Variants in CTNNA2 observed in about 807,000 individuals in gnomAD.
The protein encoded by CTNNA2 is catenin alpha-2.
A neutral mutation model predicts 101.0 loss-of-function variants in CTNNA2; 42 were observed. The ratio of observed to expected loss-of-function variants is 0.42; its 90% CI spans 0.32 to 0.54. CTNNA2 has a LOEUF of 0.54. Among genes scored for constraint, CTNNA2 ranks in the 20% least tolerant of loss-of-function variants. The probability of loss-of-function intolerance (pLI) is 0.14; values close to 1 mark genes in which losing one functional copy is unlikely to be tolerated. For synonymous variants in CTNNA2, 450 were observed against 456.4 expected, an observed-to-expected ratio of 0.99 and a Z score of 0.18; for missense variants, 871 against 1,223.1, an observed-to-expected ratio of 0.71 and a Z score of 4.29.
intron 2 of CTNNA2, among the ~76,000 whole-genome samples, chr2:79,302,037 G>A (rs1452712597): frequency 6.6e-6 from 1 of 152,044 alleles, no homozygotes; most frequent in Non-Finnish European, 1.5e-5. Flanking sequence ...AGGTTGCAGT[G>A]AGCCGAGGCT....
chr2:80,462,960 T>C (rs1684564682), intron 9 of CTNNA2, among the ~76,000 whole-genome samples: 1 of 152,136 alleles, frequency 6.6e-6, no homozygotes, highest in African/African-American at 2.4e-5. Context: ...CATTAGTCTA[T>C]TTTTCCTCCC....
At chr2:79,977,222 G>GCGCACACACACACA (rs142876512) in intron 7 of CTNNA2, among the ~76,000 whole-genome samples, 5 of 144,740 alleles carry the variant, frequency 3.5e-5, no homozygotes, top group Non-Finnish European at 7.5e-5. Context: ...GCATATGCAT[G>GCGCACACACACACA]CACACACACA....
Position 80,478,505 on chromosome 2 carries a change from G to T in CTNNA2, c.1290+58904G>T, listed in dbSNP as rs1373259227. 3.3e-5 allele frequency among the ~76,000 whole-genome samples: 5 copies of T among 152,182 alleles called. No individual in the cohort carries two copies. The East Asian group carries it at 7.7e-4, about 24-fold the overall frequency. On this transcript the variant is annotated intron_variant, in intron 9 of 18. Coordinates refer to ENST00000402739, the MANE Select transcript of CTNNA2 (RefSeq NM_001282597.3). The stretch of plus-strand genomic sequence containing the variant: ...AGAGTTTTTCATAGGTTTTCTCCTA[G>T]AATTTTTACAGTTTCAGGTCTTAAA...
chr2:80,272,338 GT>G (rs1344213285), intron 7 of CTNNA2, among the ~76,000 whole-genome samples: 1 of 152,178 alleles, frequency 6.6e-6, no homozygotes, highest in Non-Finnish European at 1.5e-5. Flanking sequence ...CGTTCCATCT[GT>G]TAGCCAAACC....
chr2:80,560,069 A>AAGG (rs3040597), intron 12 of CTNNA2, among the ~76,000 whole-genome samples: 1 of 141,130 alleles, frequency 7.1e-6, no homozygotes, highest in African/African-American at 2.6e-5. Context: ...AAAAAAAAAA[A>AAGG]AAAGAAAAAA....
intron 9 of CTNNA2, among the ~76,000 whole-genome samples, chr2:80,512,671 T>A (rs965820888): frequency 3.6e-5 from 2 of 55,478 alleles, no homozygotes; most frequent in South Asian, 7.6e-4. Context: ...TAAATATTTT[T>A]AAATTCTTTT....
At chr2:80,219,048 T>C (rs1708427623) in intron 7 of CTNNA2, among the ~76,000 whole-genome samples, 1 of 152,008 alleles carries the variant, frequency 6.6e-6, no homozygotes, top group African/African-American at 2.4e-5. Flanking sequence ...GTGGCAATTA[T>C]TAGTGGAAAT....
intron 2 of CTNNA2, among the ~76,000 whole-genome samples, chr2:79,284,937 A>C (rs866828243): frequency 6.4e-5 from 8 of 125,838 alleles, no homozygotes; most frequent in Non-Finnish European, 1.2e-4. Flanking sequence ...ACAATTTCAG[A>C]TCCTGTTATT....
At chr2:79,688,310 A>G (rs1276347864) in intron 2 of CTNNA2, among the ~76,000 whole-genome samples, 1 of 152,086 alleles carries the variant, frequency 6.6e-6, no homozygotes, top group Non-Finnish European at 1.5e-5. Flanking sequence ...TACATCTATA[A>G]AAGCTACATA....
At chr2:79,357,560 T>C (rs530776573) in intron 3 of CTNNA2, among the ~76,000 whole-genome samples, 2 of 152,208 alleles carry the variant, frequency 1.3e-5, no homozygotes, top group East Asian at 3.9e-4. Context: ...GCGGAAGAAA[T>C]GTTTGAAGAG....
chr2:79,572,814 GTGA>G (rs1435619744), intron 1 of CTNNA2, among the ~76,000 whole-genome samples: 1 of 152,132 alleles, frequency 6.6e-6, no homozygotes, highest in Non-Finnish European at 1.5e-5. Context: ...GTAAAAGTCT[GTGA>G]TGATCAGAAA....
At chr2:79,630,491 A>G (rs1444840731) in intron 1 of CTNNA2, among the ~76,000 whole-genome samples, 2 of 152,254 alleles carry the variant, frequency 1.3e-5, no homozygotes, top group African/African-American at 4.8e-5. Context: ...AAGAGACCAA[A>G]AAAATGGGTT....
At chr2:79,964,580 T>C (rs766717185) in intron 7 of CTNNA2, among the ~76,000 whole-genome samples, 26 of 152,202 alleles carry the variant, frequency 1.7e-4, no homozygotes, top group Admixed American at 1.0e-3. Flanking sequence ...GAAAAAAAGA[T>C]GTGCCTTATT....
intron 4 of CTNNA2, among the ~76,000 whole-genome samples, chr2:79,497,411 G>A (rs906834011): frequency 2.0e-5 from 3 of 152,190 alleles, no homozygotes; most frequent in Non-Finnish European, 4.4e-5. Context: ...GACCCATCTC[G>A]TTCTTAGTAT....
intron 3 of CTNNA2, among the ~76,000 whole-genome samples, chr2:79,372,665 G>A (rs1425151679): frequency 6.6e-6 from 1 of 152,114 alleles, no homozygotes; most frequent in Non-Finnish European, 1.5e-5. Context: ...CTGTTTTTCA[G>A]GACAGATCCC....
At chr2:79,885,266 C>T (rs944150382) in intron 6 of CTNNA2, among the ~76,000 whole-genome samples, 3 of 152,104 alleles carry the variant, frequency 2.0e-5, no homozygotes, top group Non-Finnish European at 4.4e-5. Flanking sequence ...TGAAGGCTTC[C>T]GAATAAGTGA....
intron 2 of CTNNA2, among the ~76,000 whole-genome samples, chr2:79,261,500 G>A (rs150055302): frequency 6.6e-5 from 10 of 152,314 alleles, no homozygotes; most frequent in Middle Eastern, 3.4e-3. Flanking sequence ...ATTTTTCATA[G>A]TTCTGGAGGC....
At chr2:80,097,381 A>G (rs1038171646) in intron 7 of CTNNA2, among the ~76,000 whole-genome samples, 10 of 152,154 alleles carry the variant, frequency 6.6e-5, no homozygotes, top group African/African-American at 2.2e-4. Flanking sequence ...ATCAGCTGTT[A>G]GTCTGATGGG....
intron 2 of CTNNA2, among the ~76,000 whole-genome samples, chr2:79,690,036 C>G (rs1684187492): frequency 6.6e-6 from 1 of 151,824 alleles, no homozygotes; most frequent in African/African-American, 2.4e-5. Flanking sequence ...GGGACAAAGT[C>G]AATAGATAAC....
Sources: gnomAD v4.1 joint callset for allele counts (sites outside exome capture counted in the v4.1 genomes callset) on GRCh38, gnomAD v4.1.1 for gene constraint, MANE v1.5 for transcripts, NCBI Gene and HGNC (gene_info 2026-07-23, HGNC 2026-07-21) for gene names.